The following GRID2 variants were observed in gnomAD, a reference collection of about 807,000 sequenced individuals.
GRID2 encodes the protein glutamate receptor ionotropic, delta-2.
GRID2 carries 33 observed loss-of-function variants against 114.8 expected under a neutral mutation model. The observed-to-expected ratio is 0.29, with a 90% confidence interval of 0.22 to 0.38. The LOEUF is 0.38. Among genes scored for constraint, GRID2 ranks in the 10% least tolerant of loss-of-function variants. GRID2 has a pLI of 1.00. For missense variants in GRID2, 1,184 were observed against 1,257.7 expected, an observed-to-expected ratio of 0.94 and a Z score of 0.89; for synonymous variants, 505 against 449.9, an observed-to-expected ratio of 1.12 and a Z score of -1.55.
chr4:93,549,106 TA>T (rs74912692), intron 13 of GRID2, among the ~76,000 whole-genome samples: 10 of 152,202 alleles, frequency 6.6e-5, no homozygotes, highest in Admixed American at 1.3e-4. Context: ...TGCAGCATTT[TA>T]AAAAAATTTT....
chr4:92,637,085 A>G (rs555278406), intron 2 of GRID2, among the ~76,000 whole-genome samples: 2 of 152,052 alleles, frequency 1.3e-5, no homozygotes, highest in Admixed American at 6.6e-5. Flanking sequence ...TTTCAAAATA[A>G]TTCTTTAATA....
At chr4:93,450,861 G>A (rs1299312509) in intron 10 of GRID2, among the ~76,000 whole-genome samples, 1 of 151,626 alleles carries the variant, frequency 6.6e-6, no homozygotes, top group Non-Finnish European at 1.5e-5. Context: ...TTAGCTATTT[G>A]CAAATAATGT....
intron 13 of GRID2, among the ~76,000 whole-genome samples, chr4:93,535,490 C>CT (rs1204418940): frequency 3.3e-5 from 5 of 151,934 alleles, no homozygotes; most frequent in Non-Finnish European, 7.4e-5. Flanking sequence ...CCCATAATGG[C>CT]TGTAAAAATT....
intron 1 of GRID2, among the ~76,000 whole-genome samples, chr4:92,526,037 G>A (rs1725026278): frequency 6.6e-6 from 1 of 152,016 alleles, no homozygotes; most frequent in South Asian, 2.1e-4. Flanking sequence ...AGCTGATCAA[G>A]TTAAGAGTAG....
At chr4:92,736,422 T>C (rs1205228287) in intron 2 of GRID2, among the ~76,000 whole-genome samples, 8 of 152,136 alleles carry the variant, frequency 5.3e-5, no homozygotes, top group Non-Finnish European at 1.5e-5. Flanking sequence ...TTTAAGATGC[T>C]AACTTTATAA....
chr4:92,766,536 C>CAAAAA (rs34162997), intron 2 of GRID2, among the ~76,000 whole-genome samples: 13 of 86,952 alleles, frequency 1.5e-4, no homozygotes, highest in South Asian at 3.9e-4. Flanking sequence ...GACTCCTTCT[C>CAAAAA]AAAAAAAAAA....
At chr4:92,373,103 G>C (rs1034620610) in intron 1 of GRID2, among the ~76,000 whole-genome samples, 1 of 152,116 alleles carries the variant, frequency 6.6e-6, no homozygotes, top group Non-Finnish European at 1.5e-5. Context: ...AGGTAATTTG[G>C]GGGCATATTC....
chr4:93,588,070 G>A (rs149958524), intron 13 of GRID2, among the ~76,000 whole-genome samples: 14 of 152,130 alleles, frequency 9.2e-5, no homozygotes, highest in African/African-American at 2.9e-4. Context: ...ATGTTAACAT[G>A]TAAGGTAGTA....
rs1256039869 is a variant in GRID2 at position 92,590,138 on chromosome 4, T to G, written c.96T>G (p.Ile32Met). The G allele has an allele frequency of 1.2e-6, 2 of 1,610,202 alleles. No homozygotes were observed. The highest frequency in any genetic ancestry group is 1.7e-6 in the Non-Finnish European group (2 of 1,176,974). Residue 32 changes from isoleucine to methionine, a missense_variant, in exon 2 of 16, where the codon ATT becomes ATG. Ile to Met is a conservative substitution (Grantham distance 10, BLOSUM62 1). Coordinates refer to ENST00000282020, the MANE Select transcript of GRID2 (RefSeq NM_001510.4). ...AAATTCACTTCTTTCTAGGAGCAAT[T>G]TTTGATGAATCTGCCAAAAAGGATG... ...NADSIIHIGA[I>M]FDESAKKDDE... is the part of the protein sequence containing the mutation.
intron 2 of GRID2, among the ~76,000 whole-genome samples, chr4:93,020,366 C>A (rs1057464833): frequency 2.0e-5 from 3 of 151,906 alleles, no homozygotes; most frequent in African/African-American, 7.3e-5. Flanking sequence ...TTTTAAAATT[C>A]TATGAAAAAA....
chr4:92,841,327 T>C (rs1476390578), intron 2 of GRID2, among the ~76,000 whole-genome samples: 1 of 152,070 alleles, frequency 6.6e-6, no homozygotes, highest in African/African-American at 2.4e-5. Context: ...GTACCATACA[T>C]TTTCCAGAAA....
intron 14 of GRID2, among the ~76,000 whole-genome samples, chr4:93,687,232 C>T (rs1449098548): frequency 6.6e-6 from 1 of 151,966 alleles, no homozygotes; most frequent in Non-Finnish European, 1.5e-5. Context: ...AGATGGAGTA[C>T]CATCAGTAGA....
intron 2 of GRID2, among the ~76,000 whole-genome samples, chr4:92,633,495 A>G (rs543885107): frequency 2.3e-4 from 35 of 152,272 alleles, no homozygotes; most frequent in Non-Finnish European, 4.6e-4. Flanking sequence ...ATTCAACTAC[A>G]TATAACGAAT....
chr4:93,173,052 T>C (rs1739003139), intron 4 of GRID2, among the ~76,000 whole-genome samples: 1 of 152,184 alleles, frequency 6.6e-6, no homozygotes, highest in Admixed American at 6.5e-5. Flanking sequence ...TCACTTTTTA[T>C]TTCATTGGCT....
chr4:93,769,572 T>A, intron 15 of GRID2, 122 bp downstream of exon 15: 1 of 840,116 alleles, frequency 1.2e-6, no homozygotes, highest in Non-Finnish European at 1.9e-6. Flanking sequence ...TCTTGAAGAT[T>A]AAAAATAAAG....
intron 4 of GRID2, among the ~76,000 whole-genome samples, chr4:93,161,121 C>A (rs1305095463): frequency 1.3e-5 from 2 of 151,662 alleles, no homozygotes; most frequent in African/African-American, 4.8e-5. Flanking sequence ...AAAGTTATTC[C>A]TTATTTTACT....
intron 1 of GRID2, among the ~76,000 whole-genome samples, chr4:92,555,504 GA>G (rs1436391943): frequency 6.6e-6 from 1 of 152,120 alleles, no homozygotes; most frequent in African/African-American, 2.4e-5. Context: ...GGAAGGAAGA[GA>G]TGGTGAGAAA....
At chr4:93,770,064 A>C (rs1733987547) in intron 15 of GRID2, among the ~76,000 whole-genome samples, 1 of 152,192 alleles carries the variant, frequency 6.6e-6, no homozygotes, top group South Asian at 2.1e-4. Context: ...ATTTTATCTC[A>C]ATATCTGAAA....
chr4:93,028,325 T>A (rs1724070117), intron 2 of GRID2, among the ~76,000 whole-genome samples: 1 of 151,902 alleles, frequency 6.6e-6, no homozygotes, highest in African/African-American at 2.4e-5. Context: ...GGTGCAAGCC[T>A]TTAGAGGGGG....
Sources: gnomAD v4.1 joint callset for allele counts (sites outside exome capture counted in the v4.1 genomes callset) on GRCh38, gnomAD v4.1.1 for gene constraint, MANE v1.5 for transcripts, NCBI Gene and HGNC (gene_info 2026-07-23, HGNC 2026-07-21) for gene names.